The following DOCK4 variants were observed in gnomAD, a reference collection of about 807,000 sequenced individuals.
DOCK4 encodes dedicator of cytokinesis 4, also known as dedicator of cytokinesis protein 4.
A neutral mutation model predicts 268.1 loss-of-function variants in DOCK4; 97 were observed. That is an observed-to-expected ratio of 0.36 (90% confidence interval 0.31 to 0.43). The LOEUF (loss-of-function observed/expected upper bound fraction) is 0.43. Ranked by LOEUF, DOCK4 falls within the 20% of genes least tolerant of loss-of-function variation. The pLI, the probability that DOCK4 is intolerant of heterozygous loss-of-function variation, is 1.00. For synonymous variants in DOCK4, 954 were observed against 887.2 expected (o/e 1.08, Z -1.34); for missense variants, 2,145 against 2,455.7 (o/e 0.87, Z 2.67).
intron 1 of DOCK4, among the ~76,000 whole-genome samples, chr7:112,149,634 G>A (rs1815867449): frequency 6.6e-6 from 1 of 152,094 alleles, no homozygotes; most frequent in South Asian, 2.1e-4. Flanking sequence ...ACAAGAGAAT[G>A]CAATTCACAT....
chr7:111,730,998 G>C (rs760050571), intron 52 of DOCK4, among the ~76,000 whole-genome samples: 1 of 152,152 alleles, frequency 6.6e-6, no homozygotes, highest in Non-Finnish European at 1.5e-5. Context: ...TAATTCCATA[G>C]CAACGTGTGG....
chr7:111,904,066 C>T (rs1033162398), intron 13 of DOCK4, among the ~76,000 whole-genome samples: 16 of 152,166 alleles, frequency 1.1e-4, no homozygotes, highest in African/African-American at 3.6e-4. Flanking sequence ...GCTGGAAGGA[C>T]GTGGCCTCTC....
intron 16 of DOCK4, among the ~76,000 whole-genome samples, chr7:111,878,567 G>C (rs1807108711): frequency 6.6e-6 from 1 of 152,178 alleles, no homozygotes; most frequent in South Asian, 2.1e-4. Context: ...AGAAGAGACA[G>C]TTCTGAATCT....
chr7:112,203,644 T>A (rs1428349221), intron 1 of DOCK4, among the ~76,000 whole-genome samples: 1 of 152,202 alleles, frequency 6.6e-6, no homozygotes, highest in African/African-American at 2.4e-5. Flanking sequence ...CTACACTTGG[T>A]AACAAAGATC....
intron 13 of DOCK4, among the ~76,000 whole-genome samples, chr7:111,914,837 C>G (rs779407298): frequency 1.3e-5 from 2 of 152,146 alleles, no homozygotes; most frequent in Middle Eastern, 3.2e-3. Context: ...CTATGGGTTT[C>G]TTCTGTTGTG....
At chr7:111,876,017 G>C (rs1806833722) in intron 17 of DOCK4, among the ~76,000 whole-genome samples, 1 of 152,128 alleles carries the variant, frequency 6.6e-6, no homozygotes, top group Admixed American at 6.5e-5. Context: ...ATCTCAATAA[G>C]AGGTTGATTT....
chr7:112,112,943 GGCTGTTGTTGTGAAACA>G (rs1449877936), intron 1 of DOCK4, among the ~76,000 whole-genome samples: 1 of 152,180 alleles, frequency 6.6e-6, no homozygotes, highest in Non-Finnish European at 1.5e-5. Context: ...GGACGTGACA[GGCTGTTGTTGTGAAACA>G]GCTGACTGTG....
At chr7:111,884,246 A>ATGAG (rs1384792679) in intron 16 of DOCK4, among the ~76,000 whole-genome samples, 1 of 152,204 alleles carries the variant, frequency 6.6e-6, no homozygotes, top group African/African-American at 2.4e-5. Flanking sequence ...ACTACCTTTT[A>ATGAG]TGAGTGCTTA....
intron 1 of DOCK4, among the ~76,000 whole-genome samples, chr7:112,050,668 G>A (rs1805265147): frequency 6.6e-6 from 1 of 151,304 alleles, no homozygotes; most frequent in Admixed American, 6.6e-5. Context: ...GAGATAGCAA[G>A]CGTGCAAGAG....
intron 1 of DOCK4, among the ~76,000 whole-genome samples, chr7:112,123,958 T>A (rs998459529): frequency 6.6e-6 from 1 of 152,204 alleles, no homozygotes; most frequent in Non-Finnish European, 1.5e-5. Flanking sequence ...GCACGAGCTA[T>A]TAATCAGAAG....
At chr7:111,969,345 C>T (rs1301857640) in intron 8 of DOCK4, among the ~76,000 whole-genome samples, 5 of 150,210 alleles carry the variant, frequency 3.3e-5, no homozygotes, top group Admixed American at 6.6e-5. Flanking sequence ...GTTGTGGCTT[C>T]TGAATGCTCA....
At chr7:112,028,384 G>T (rs1178563578) in intron 1 of DOCK4, among the ~76,000 whole-genome samples, 1 of 152,074 alleles carries the variant, frequency 6.6e-6, no homozygotes, top group Non-Finnish European at 1.5e-5. Context: ...AAAGTATTTT[G>T]TTGGCAGAAT....
chr7:111,941,735 CT>C (rs1268410389), intron 10 of DOCK4, among the ~76,000 whole-genome samples: 2 of 152,144 alleles, frequency 1.3e-5, no homozygotes, highest in African/African-American at 4.8e-5. Flanking sequence ...CATTTCAATC[CT>C]TTTTTGTTTG....
intron 1 of DOCK4, among the ~76,000 whole-genome samples, chr7:112,017,211 G>C (rs1801885800): frequency 6.6e-6 from 1 of 152,070 alleles, no homozygotes; most frequent in East Asian, 1.9e-4. Context: ...TTAATTCTGT[G>C]GCATACTGTA....
At chr7:112,164,649 G>GT (rs1490289826) in intron 1 of DOCK4, among the ~76,000 whole-genome samples, 1 of 152,180 alleles carries the variant, frequency 6.6e-6, no homozygotes, top group Non-Finnish European at 1.5e-5. Flanking sequence ...CAGAGAGCCT[G>GT]TTTTACACTC....
At chr7:111,865,808 G>A (rs2134201016) in intron 22 of DOCK4, among the ~76,000 whole-genome samples, 1 of 152,344 alleles carries the variant, frequency 6.6e-6, no homozygotes, top group African/African-American at 2.4e-5. Flanking sequence ...TGCTGGATTT[G>A]AGGAAGGAGC....
intron 1 of DOCK4, among the ~76,000 whole-genome samples, chr7:112,101,716 A>T (rs1452032520): frequency 2.6e-5 from 4 of 152,208 alleles, no homozygotes; most frequent in Admixed American, 6.5e-5. Flanking sequence ...ATAGATCTGT[A>T]GTTCGTTCTT....
chr7:111,819,741 A>G (rs1801835743), intron 27 of DOCK4: 1 of 152,248 alleles, frequency 6.6e-6, no homozygotes, highest in Non-Finnish European at 1.5e-5. Flanking sequence ...AATTGAGTTC[A>G]AGGGTAGAGC....
At chr7:111,776,673 ACAGATCCAAGAACCTCAG>A (rs1254384524) in intron 36 of DOCK4, among the ~76,000 whole-genome samples, 3 of 152,258 alleles carry the variant, frequency 2.0e-5, no homozygotes. Context: ...AAATAAATGT[ACAGATCCAAGAACCTCAG>A]CAAACCCAAA....
Sources: allele counts gnomAD v4.1 joint callset (sites outside exome capture counted in the v4.1 genomes callset), GRCh38; gene constraint gnomAD v4.1.1; transcripts MANE v1.5; gene names NCBI Gene and HGNC (gene_info 2026-07-23, HGNC 2026-07-21).